CCDC88C: variants seen among roughly 807,000 people sequenced by gnomAD.
CCDC88C encodes protein Daple.
CCDC88C carries 131 observed loss-of-function variants against 198.8 expected under a neutral mutation model. The observed-to-expected ratio is 0.66, with a 90% CI of 0.57 to 0.76. The LOEUF (loss-of-function observed/expected upper bound fraction) is 0.76. CCDC88C is among the 30% of genes least tolerant of loss of function. The pLI is 0.00. For missense variants in CCDC88C, 2,553 were observed against 2,631.6 expected, an observed-to-expected ratio of 0.97 and a Z score of 0.65; for synonymous variants, 1,166 against 1,114.7, an observed-to-expected ratio of 1.05 and a Z score of -0.92.
rs1317154053 is a variant in CCDC88C at position 91,317,126 on chromosome 14, A to C, written c.1528-1339T>G. ...GGATTCTTTTTCCTTCCTGACTCAAAGAATGAACTCTTATGACTTCAATAC... is the reference window on the plus strand; with the variant it reads ...GGATTCTTTTTCCTTCCTGACTCAACGAATGAACTCTTATGACTTCAATAC... On this transcript the variant is annotated intron_variant, in intron 13 of 29. Transcript: ENST00000389857. Among the ~76,000 whole-genome samples the C allele has an allele frequency of 2.0e-5, 3 of 152,252 alleles. No individual in the cohort carries two copies. In the East Asian group the frequency reaches 5.8e-4, roughly 29 times the overall value.
In CCDC88C at chr14:91,338,781, T is replaced by C; in HGVS notation, c.810-211A>G. 3.6e-6 allele frequency: 2 copies of C among 563,074 alleles called. No homozygotes were observed. Among genetic ancestry groups the C allele is most frequent in the Non-Finnish European group, 6.4e-6 (2 of 313,540 alleles). 34.9% of individuals were successfully genotyped at this position (563,074 alleles called of 1,614,324 possible). A position where few individuals can be genotyped will look rare whatever the true frequency, so the allele number is the denominator to read the frequency against. ...GTTTGCAACACCGGCCCTTAAACTA[T>C]GTCCATCCGCCACTCAGGTCTCCCT... is the stretch of plus-strand genomic sequence containing the variant. On this transcript the variant is annotated intron_variant, in intron 8 of 29. Coordinates refer to ENST00000389857, the MANE Select transcript of CCDC88C (RefSeq NM_001080414.4). The surrounding 1 kb of genome is among the most constrained non-coding windows in gnomAD (Gnocchi z 4.8).
intron 21 of CCDC88C, among the ~76,000 whole-genome samples, chr14:91,298,435 G>A (rs1051811218): frequency 6.6e-6 from 1 of 151,832 alleles, no homozygotes; most frequent in Admixed American, 6.6e-5. Context: ...TTGGGAGGCT[G>A]GGCTGGGAGG....
At chr14:91,307,627 C>T (rs1190452048) in intron 17 of CCDC88C, among the ~76,000 whole-genome samples, 1 of 152,258 alleles carries the variant, frequency 6.6e-6, no homozygotes, top group African/African-American at 2.4e-5. Flanking sequence ...CTATTCAATC[C>T]TGCAGCCAAG....
intron 4 of CCDC88C, among the ~76,000 whole-genome samples, chr14:91,359,379 CGGCCGCCTG>C (rs1894196040): frequency 6.6e-6 from 1 of 152,110 alleles, no homozygotes; most frequent in South Asian, 2.1e-4. Context: ...CTTCATGATC[CGGCCGCCTG>C]GGCCTCCCAA....
At chr14:91,415,677 G>A (rs1029788470) in intron 2 of CCDC88C, among the ~76,000 whole-genome samples, 9 of 151,038 alleles carry the variant, frequency 6.0e-5, no homozygotes, top group East Asian at 1.9e-4. Context: ...CTGAGATCAC[G>A]CCATTGCACT....
At chr14:91,298,792 T>C (rs1891140815) in intron 21 of CCDC88C, among the ~76,000 whole-genome samples, 2 of 152,114 alleles carry the variant, frequency 1.3e-5, no homozygotes, top group Non-Finnish European at 2.9e-5. Context: ...GGTAACTGAG[T>C]TTCTAACCCC....
At chr14:91,274,099 C>T (rs1056906940) in intron 29 of CCDC88C, among the ~76,000 whole-genome samples, 1 of 151,802 alleles carries the variant, frequency 6.6e-6, no homozygotes, top group Admixed American at 6.6e-5. Flanking sequence ...CACCTTGCGC[C>T]ACCGAGAGCA....
At chr14:91,315,046 G>A (rs899253396) in intron 14 of CCDC88C, among the ~76,000 whole-genome samples, 2 of 152,150 alleles carry the variant, frequency 1.3e-5, no homozygotes, top group Admixed American at 6.5e-5. Context: ...GCAGGCAGAG[G>A]TAGCCACACG....
intron 3 of CCDC88C, chr14:91,378,798 C>T (rs1162272309): frequency 1.3e-5 from 2 of 152,232 alleles, no homozygotes; most frequent in Non-Finnish European, 2.9e-5. Flanking sequence ...AATCCACCTA[C>T]ATCACTGAAG....
chr14:91,395,648 C>G (rs1885796769), intron 3 of CCDC88C, among the ~76,000 whole-genome samples: 1 of 152,140 alleles, frequency 6.6e-6, no homozygotes, highest in African/African-American at 2.4e-5. Context: ...ACGTTATCCC[C>G]CAGCCGAGAA....
At chr14:91,290,743 G>GC (rs1405733876) in intron 24 of CCDC88C, among the ~76,000 whole-genome samples, 1 of 152,132 alleles carries the variant, frequency 6.6e-6, no homozygotes, top group Non-Finnish European at 1.5e-5. Flanking sequence ...CGGATGCTCT[G>GC]CCCCCTTAAA....
At chr14:91,311,610 T>C (rs1026187750) in intron 15 of CCDC88C, among the ~76,000 whole-genome samples, 5 of 152,220 alleles carry the variant, frequency 3.3e-5, no homozygotes, top group African/African-American at 9.6e-5. Context: ...GCTTCTCCCA[T>C]GTGGGCAGGG....
chr14:91,345,191 T>TATATATA (rs1491366967), intron 4 of CCDC88C, among the ~76,000 whole-genome samples: 2 of 33,630 alleles, frequency 5.9e-5, no homozygotes, highest in Non-Finnish European at 1.1e-4. Flanking sequence ...TATATATATA[T>TATATATA]TTTTTTTTTT....
At chr14:91,355,313 A>C (rs567674535) in intron 4 of CCDC88C, among the ~76,000 whole-genome samples, 8 of 152,258 alleles carry the variant, frequency 5.3e-5, no homozygotes, top group Admixed American at 3.3e-4. Flanking sequence ...AAACAAGGCG[A>C]AGGACGCTCT....
rs796910716 is a variant in CCDC88C at position 91,293,482 on chromosome 14, T to C, written c.4112+691A>G. 2.0e-3 allele frequency among the ~76,000 whole-genome samples: 107 copies of C among 53,014 alleles called. 1 individual carries two copies. The highest frequency in any genetic ancestry group is 2.4e-3 in the Non-Finnish European group (55 of 23,378). 34.8% of individuals were successfully genotyped at this position (53,014 alleles called of 152,430 possible). A position where few individuals can be genotyped will look rare whatever the true frequency, so the allele number is the denominator to read the frequency against. ...CCTTCCCATCCTCACCTGCCACAGC[T>C]CACCTTCCCATCCTCACCTGCCACG... On this transcript the variant is annotated intron_variant, in intron 23 of 29. Coordinates refer to ENST00000389857, the MANE Select transcript of CCDC88C (RefSeq NM_001080414.4).
chr14:91,396,868 T>G (rs771347784), intron 3 of CCDC88C, among the ~76,000 whole-genome samples: 2 of 152,036 alleles, frequency 1.3e-5, no homozygotes, highest in Non-Finnish European at 2.9e-5. Context: ...GAAGTGGTGG[T>G]GCATGCTGGT....
chr14:91,309,655 T>A (rs1167100935), intron 16 of CCDC88C, among the ~76,000 whole-genome samples: 1 of 146,528 alleles, frequency 6.8e-6, no homozygotes, highest in Non-Finnish European at 1.5e-5. Context: ...TCAGACAAAA[T>A]CTCCTTCCAC....
rs1275755924 is a variant in CCDC88C, at chr14:91,338,300, GCCA to G, written c.892-140_892-138del. The G allele has an allele frequency of 5.5e-6, 6 of 1,095,848 alleles. No individual in the cohort carries two copies. The highest frequency in any genetic ancestry group is 4.4e-5 in the Admixed American group (2 of 45,376). 67.9% of individuals were successfully genotyped at this position (1,095,848 alleles called of 1,614,324 possible). A position where few individuals can be genotyped will look rare whatever the true frequency, so the allele number is the denominator to read the frequency against. On this transcript the variant is annotated intron_variant, in intron 9 of 29. Transcript: ENST00000389857. The surrounding 1 kb of genome is among the most constrained non-coding windows in gnomAD (Gnocchi z 4.8). ...TCCTGGTGGCCGGGGGCCTCCATGT[GCCA>G]CCACCACACGGGATCTCCACCTGCT...
At position 91,294,223 on chromosome 14, in the gene CCDC88C, C is replaced by T. The variant is rs1004696360; in HGVS notation, c.4062G>A (p.Glu1354=). Residue 1354 remains glutamate (E), a synonymous_variant, in exon 23 of 30, where the codon GAG becomes GAA. Coordinates refer to ENST00000389857, the MANE Select transcript of CCDC88C (RefSeq NM_001080414.4). ...LLSQQNQMLL[E]QNMENKEQYH... ...ACTGCTCCTTGTTCTCCATGTTCTG[C>T]TCCAGAAGCATCTGGTTCTGCTGGC... 1 of 1,614,028 alleles carries T rather than the reference C, an allele frequency of 6.2e-7. No homozygotes were observed. The highest frequency in any genetic ancestry group is 8.5e-7 in the Non-Finnish European group (1 of 1,179,894).
Sources: allele counts gnomAD v4.1 joint callset (sites outside exome capture counted in the v4.1 genomes callset), GRCh38; gene constraint gnomAD v4.1.1; non-coding constraint Gnocchi (gnomAD v3.1); transcripts MANE v1.5; gene names NCBI Gene and HGNC (gene_info 2026-07-23, HGNC 2026-07-21).